EPYC: variants seen among roughly 807,000 people sequenced by gnomAD.
EPYC encodes the protein dermatan sulfate proteoglycan 3.
In EPYC, 28 loss-of-function variants were observed where a neutral mutation model predicts 30.1. The ratio of observed to expected loss-of-function variants is 0.93; its 90% CI spans 0.69 to 1.28. The LOEUF is 1.28. Among genes scored for constraint, EPYC ranks in the 50% most tolerant of loss-of-function variants. The pLI is 0.00. For synonymous variants in EPYC, 144 were observed against 141.4 expected (o/e 1.02, Z -0.13); for missense variants, 382 against 383.5 (o/e 1.00, Z 0.03).
intron 2 of EPYC, among the ~76,000 whole-genome samples, chr12:90,986,476 C>T (rs888979628): frequency 6.6e-6 from 1 of 152,070 alleles, no homozygotes; most frequent in Non-Finnish European, 1.5e-5. Flanking sequence ...TGTATCCAAC[C>T]CCTATACTCT....
intron 6 of EPYC, among the ~76,000 whole-genome samples, chr12:90,965,429 T>A (rs1347442766): frequency 6.6e-6 from 1 of 152,156 alleles, no homozygotes; most frequent in African/African-American, 2.4e-5. Context: ...TGAGGAACTG[T>A]CAGACCGTTT....
At chr12:90,984,941 C>G (rs1877415022) in intron 2 of EPYC, among the ~76,000 whole-genome samples, 1 of 152,156 alleles carries the variant, frequency 6.6e-6, no homozygotes, top group South Asian at 2.1e-4. Context: ...TTCAGATGAT[C>G]CTGATAGGTA....
At chr12:90,999,142 T>C (rs958614549) in intron 2 of EPYC, among the ~76,000 whole-genome samples, 2 of 152,116 alleles carry the variant, frequency 1.3e-5, no homozygotes, top group African/African-American at 4.8e-5. Flanking sequence ...TAAATTCAAC[T>C]GTGCCATATA....
intron 2 of EPYC, among the ~76,000 whole-genome samples, chr12:90,983,931 C>T (rs895958282): frequency 2.6e-5 from 4 of 152,040 alleles, no homozygotes; most frequent in African/African-American, 9.7e-5. Flanking sequence ...TTTAGGATCC[C>T]TCCTCAGACA....
intron 2 of EPYC, among the ~76,000 whole-genome samples, chr12:90,993,431 G>A (rs1210940480): frequency 2.0e-5 from 3 of 152,078 alleles, no homozygotes; most frequent in Admixed American, 1.3e-4. Flanking sequence ...CTCTATTTCT[G>A]TGTGAATCCC....
At chr12:91,004,538 T>A (rs577987068) in intron 1 of EPYC, among the ~76,000 whole-genome samples, 70 of 152,224 alleles carry the variant, frequency 4.6e-4, no homozygotes, top group Middle Eastern at 3.4e-3. Flanking sequence ...AAATGCATAA[T>A]GTCATGTAAT....
chr12:90,984,966 G>A (rs752108035), intron 2 of EPYC, among the ~76,000 whole-genome samples: 11 of 152,118 alleles, frequency 7.2e-5, no homozygotes, highest in East Asian at 1.9e-4. Context: ...GATGTCCTAC[G>A]GGGTCTAGGG....
chr12:90,997,254 G>A (rs1033288848), intron 2 of EPYC, among the ~76,000 whole-genome samples: 1 of 151,968 alleles, frequency 6.6e-6, no homozygotes, highest in Non-Finnish European at 1.5e-5. Flanking sequence ...ATACACAGGG[G>A]TAGTACAGGA....
At chr12:90,987,774 T>C (rs771594193) in intron 2 of EPYC, among the ~76,000 whole-genome samples, 5 of 152,182 alleles carry the variant, frequency 3.3e-5, no homozygotes, top group Non-Finnish European at 7.4e-5. Context: ...GCACTATCTA[T>C]GTGGTATTCT....
At chr12:90,992,861 C>A (rs1484300626) in intron 2 of EPYC, among the ~76,000 whole-genome samples, 1 of 152,164 alleles carries the variant, frequency 6.6e-6, no homozygotes, top group African/African-American at 2.4e-5. Flanking sequence ...TCGTGACTAG[C>A]TCCCAGGTGA....
chr12:90,986,322 A>G (rs2120843573), intron 2 of EPYC, among the ~76,000 whole-genome samples: 1 of 152,236 alleles, frequency 6.6e-6, no homozygotes, highest in South Asian at 2.1e-4. Flanking sequence ...ATATTGTTAG[A>G]CATTTAAAAG....
chr12:90,979,518 G>C (rs1267047303), intron 2 of EPYC, among the ~76,000 whole-genome samples: 1 of 152,072 alleles, frequency 6.6e-6, no homozygotes, highest in Non-Finnish European at 1.5e-5. Flanking sequence ...ATACACTTAT[G>C]ATTTAATATC....
At chr12:90,978,324 G>T in intron 2 of EPYC, 62 bp from the exon 3 acceptor site, 2 of 1,498,408 alleles carry the variant, frequency 1.3e-6, no homozygotes, top group African/African-American at 1.4e-5. Flanking sequence ...CTGTGTGGCA[G>T]TGACACAAAT....
intron 3 of EPYC, among the ~76,000 whole-genome samples, chr12:90,975,501 T>C (rs1400983165): frequency 6.6e-6 from 1 of 152,054 alleles, no homozygotes; most frequent in Non-Finnish European, 1.5e-5. Context: ...AAAAGTGAGT[T>C]TGAGTTTTTA....
At chr12:90,969,498 A>C (rs1876980787) in intron 6 of EPYC, among the ~76,000 whole-genome samples, 1 of 147,606 alleles carries the variant, frequency 6.8e-6, no homozygotes, top group African/African-American at 2.5e-5. Flanking sequence ...GCTTTAAAAT[A>C]ACCAAAACTT....
chr12:90,986,118 T>A (rs1351424280), intron 2 of EPYC, among the ~76,000 whole-genome samples: 5 of 152,066 alleles, frequency 3.3e-5, no homozygotes, highest in Non-Finnish European at 7.4e-5. Context: ...ATTATCTATA[T>A]GAATATGGGG....
rs1213943471 is a variant in EPYC, at chr12:90,971,861, G to T, written c.641C>A (p.Thr214Lys). The T allele has an allele frequency of 6.2e-7, 1 of 1,612,254 alleles. No homozygotes were observed. The highest frequency in any genetic ancestry group is 8.5e-7 in the Non-Finnish European group (1 of 1,179,340). Reference sequence around the variant, plus strand: ...TCTATTGTTGCTAATATCAATAAATGTCAAAGTGGTTGGCAATTCTGGGAG... The same window carrying T: ...TCTATTGTTGCTAATATCAATAAATTTCAAAGTGGTTGGCAATTCTGGGAG... ...RQLPELPTTL[T>K]FIDISNNRLG... is the part of the protein sequence containing the mutation. Residue 214 changes from threonine (T) to lysine (K), a missense_variant, in exon 5 of 7, where the codon ACA becomes AAA. Thr to Lys is a moderately conservative substitution (Grantham distance 78). Coordinates refer to ENST00000261172, the MANE Select transcript of EPYC (RefSeq NM_004950.5).
chr12:90,979,391 T>A (rs984417638), intron 2 of EPYC, among the ~76,000 whole-genome samples: 2 of 152,166 alleles, frequency 1.3e-5, no homozygotes, highest in African/African-American at 4.8e-5. Context: ...AACACATAAA[T>A]TATTTCTGGA....
At chr12:90,975,278 A>C in intron 3 of EPYC, among the ~76,000 whole-genome samples, 1 of 152,102 alleles carries the variant, frequency 6.6e-6, no homozygotes, top group East Asian at 1.9e-4. Flanking sequence ...TTGATAATTA[A>C]GCAATGATTG....
Sources: allele counts gnomAD v4.1 joint callset (sites outside exome capture counted in the v4.1 genomes callset), GRCh38; gene constraint gnomAD v4.1.1; transcripts MANE v1.5; gene names NCBI Gene and HGNC (gene_info 2026-07-23, HGNC 2026-07-21).